Variants in GZMK observed in about 807,000 individuals in gnomAD.
The protein encoded by GZMK is NK-Tryp-2.
In GZMK, 18 loss-of-function variants were observed where a neutral mutation model predicts 22.8. That is an observed-to-expected ratio of 0.79 (90% CI 0.54 to 1.17). The LOEUF (loss-of-function observed/expected upper bound fraction) is 1.17, where lower values mean the gene tolerates loss of function less well. GZMK is among the 50% of genes most tolerant of loss of function. The probability of loss-of-function intolerance (pLI) is 0.00; values close to 1 mark genes in which losing one functional copy is unlikely to be tolerated. For synonymous variants in GZMK, 136 were observed against 115.0 expected (o/e 1.18, Z -1.17); for missense variants, 342 against 320.2 (o/e 1.07, Z -0.52).
intron 2 of GZMK, among the ~76,000 whole-genome samples, chr5:55,027,382 C>CAT (rs745838133): frequency 1.4e-4 from 22 of 152,286 alleles, no homozygotes; most frequent in Non-Finnish European, 2.8e-4. Flanking sequence ...ATCTCCAAGA[C>CAT]ATAGGGACCC....
At chr5:55,031,173 A>G (rs1162447370) in intron 3 of GZMK, among the ~76,000 whole-genome samples, 191 bp from the exon 4 acceptor site, 1 of 152,188 alleles carries the variant, frequency 6.6e-6, no homozygotes, top group Admixed American at 6.5e-5. Context: ...CCCAAGCCTC[A>G]GTGAGCTCCT....
At chr5:55,029,365 A>G (rs1301582423) in intron 2 of GZMK, among the ~76,000 whole-genome samples, 2 of 152,140 alleles carry the variant, frequency 1.3e-5, no homozygotes, top group East Asian at 3.9e-4. Context: ...TTAAATTAGC[A>G]CTGTTTTCTT....
In GZMK at chr5:55,033,826, A is replaced by T; in HGVS notation, c.695A>T (p.His232Leu). The T allele has an allele frequency of 6.2e-7, 1 of 1,613,926 alleles. No individual in the cohort carries two copies. The highest frequency in any genetic ancestry group is 2.2e-5 in the East Asian group (1 of 44,890). The change falls in exon 5 of 5, where the codon CAT becomes CTT. Residue 232 changes from histidine (H) to leucine (L), a missense_variant. Transcript: ENST00000231009. ...TTCCACGCTATAGTCTCTGGAGGTC[A>T]TGAATGTGGTGTTGCCACAAAGCCT... Reference protein sequence around the residue: ...GVFHAIVSGGHECGVATKPGI... With the variant: ...GVFHAIVSGGLECGVATKPGI...
chr5:55,024,634 T>C (rs1182746064), intron 1 of GZMK, 26 bp from the exon 2 acceptor site: 3 of 1,540,334 alleles, frequency 1.9e-6, no homozygotes, highest in Admixed American at 1.8e-5. Context: ...ATCTTTTGTG[T>C]GAAACCTTTT....
At chr5:55,033,626 C>T in intron 4 of GZMK, 139 bp from the exon 5 acceptor site, 1 of 604,208 alleles carries the variant, frequency 1.7e-6, no homozygotes, top group Non-Finnish European at 2.9e-6. Flanking sequence ...GAGTAAGAGG[C>T]AGTGTCAGAC....
Position 55,031,501 on chromosome 5 carries a change from C to A in GZMK, c.501C>A (p.Thr167=). The change falls in exon 4 of 5, where the codon ACC becomes ACA. Residue 167 remains threonine, a synonymous_variant. Transcript: ENST00000231009. ...TDPDSLRPSD[T]LREVTVTVLS... ...CAGATTCATTAAGACCTTCTGACACCCTGCGAGAAGTCACTGTTACTGTCC... is the reference window on the plus strand; with the variant it reads ...CAGATTCATTAAGACCTTCTGACACACTGCGAGAAGTCACTGTTACTGTCC... 1 of 1,614,108 alleles carries A rather than the reference C, an allele frequency of 6.2e-7. No individual in the cohort carries two copies.
chr5:55,034,526 A>C lies in GZMK; in HGVS notation c.*600A>C, dbSNP rs1247921344. On this transcript the variant is annotated 3_prime_UTR_variant, in exon 5 of 5. Coordinates refer to ENST00000231009, the MANE Select transcript of GZMK (RefSeq NM_002104.3). ...ATGAGTTTGTATTTTTTAAATATAA[A>C]TCATAAATATAAATATCCTAATTCA... The C allele has an allele frequency of 6.6e-6, 1 of 152,232 alleles. No individual in the cohort carries two copies. The highest frequency in any genetic ancestry group is 1.5e-5 in the Non-Finnish European group (1 of 68,040). 9.4% of individuals were successfully genotyped at this position (152,232 alleles called of 1,614,324 possible).
chr5:55,024,836 T>C lies in GZMK; in HGVS notation c.212+29T>C. On this transcript the variant is annotated intron_variant, in intron 2 of 4. Coordinates refer to ENST00000231009, the MANE Select transcript of GZMK (RefSeq NM_002104.3). ...AGTCCTCCACACTTTTCCAGACATG[T>C]GTTTTTTCTGAAAGTTATTATAGGT... 3 of 1,479,282 alleles carry C rather than the reference T, an allele frequency of 2.0e-6. No homozygotes were observed. The South Asian group carries it at 3.9e-5, about 19-fold the overall frequency. 91.6% of individuals were successfully genotyped at this position (1,479,282 alleles called of 1,614,324 possible).
At chr5:55,029,792 A>G (rs1741192097) in intron 2 of GZMK, among the ~76,000 whole-genome samples, 1 of 152,040 alleles carries the variant, frequency 6.6e-6, no homozygotes, top group Non-Finnish European at 1.5e-5. Flanking sequence ...CTGGCCTCAA[A>G]TGATCCTCCC....
intron 4 of GZMK, among the ~76,000 whole-genome samples, chr5:55,032,273 T>A (rs1741246873): frequency 6.6e-6 from 1 of 152,180 alleles, no homozygotes. Context: ...GGGTCTCTCT[T>A]AGGCCTCTTT....
At chr5:55,024,495 GTA>G (rs769751989) in intron 1 of GZMK, 109 bp downstream of exon 1, 116 of 766,306 alleles carry the variant, frequency 1.5e-4, no homozygotes, top group Middle Eastern at 3.4e-4. Context: ...TTTCTGAACT[GTA>G]ATGTATTATA....
At chr5:55,029,680 AC>A (rs1313347779) in intron 2 of GZMK, among the ~76,000 whole-genome samples, 1 of 152,160 alleles carries the variant, frequency 6.6e-6, no homozygotes, top group Non-Finnish European at 1.5e-5. Context: ...AACAGCTGGG[AC>A]TGTAGGCATG....
intron 4 of GZMK, among the ~76,000 whole-genome samples, chr5:55,032,123 G>A (rs774036934): frequency 6.6e-6 from 1 of 152,082 alleles, no homozygotes; most frequent in Admixed American, 6.6e-5. Context: ...CCATAAACTC[G>A]GTGGCTTATA....
chr5:55,024,441 TTGTTA>T, intron 1 of GZMK, 55 bp downstream of exon 1: 1 of 874,240 alleles, frequency 1.1e-6, no homozygotes, highest in Non-Finnish European at 1.9e-6. Context: ...ACTGACTATA[TTGTTA>T]TATTATAGAT....
At chr5:55,030,689 T>C in intron 3 of GZMK, 105 bp downstream of exon 3, 1 of 789,412 alleles carries the variant, frequency 1.3e-6, no homozygotes, top group Non-Finnish European at 2.1e-6. Context: ...ACCCTCCCCA[T>C]GTTTGAGGTG....
intron 2 of GZMK, among the ~76,000 whole-genome samples, chr5:55,026,154 A>G (rs1741139849): frequency 6.6e-6 from 1 of 152,230 alleles, no homozygotes; most frequent in Non-Finnish European, 1.5e-5. Context: ...TGACTTCTAA[A>G]TGTTCAACAA....
At chr5:55,028,019 G>C (rs934568889) in intron 2 of GZMK, among the ~76,000 whole-genome samples, 1 of 152,202 alleles carries the variant, frequency 6.6e-6, no homozygotes, top group Non-Finnish European at 1.5e-5. Context: ...AGGATATCTA[G>C]AAATTGAAAG....
intron 2 of GZMK, 52 bp from the exon 3 acceptor site, chr5:55,030,382 C>T: frequency 6.4e-7 from 1 of 1,573,960 alleles, no homozygotes; most frequent in Non-Finnish European, 8.7e-7. Flanking sequence ...CCACTCCCCA[C>T]TGGGGGATTT....
intron 2 of GZMK, chr5:55,027,643 C>T (rs902891062): frequency 6.6e-6 from 1 of 152,256 alleles, no homozygotes; most frequent in Admixed American, 6.5e-5. Context: ...AGCCCGTCAG[C>T]TTTACCAGCC....
Sources: gnomAD v4.1 joint callset for allele counts (sites outside exome capture counted in the v4.1 genomes callset) on GRCh38, gnomAD v4.1.1 for gene constraint, MANE v1.5 for transcripts, NCBI Gene and HGNC (gene_info 2026-07-23, HGNC 2026-07-21) for gene names.